SNX14: variants seen among roughly 807,000 people sequenced by gnomAD.
SNX14 encodes the protein sorting nexin 14.
A neutral mutation model predicts 133.8 loss-of-function variants in SNX14; 93 were observed. That is an observed-to-expected ratio of 0.70 (90% confidence interval 0.59 to 0.83). The LOEUF (loss-of-function observed/expected upper bound fraction) is 0.83. Among genes scored for constraint, SNX14 ranks in the 40% least tolerant of loss-of-function variants. The pLI is 0.00. For synonymous variants in SNX14, 368 were observed against 365.6 expected, an observed-to-expected ratio of 1.01 and a Z score of -0.07; for missense variants, 945 against 1,094.9, an observed-to-expected ratio of 0.86 and a Z score of 1.93.
intron 1 of SNX14, among the ~76,000 whole-genome samples, chr6:85,587,758 C>T (rs745441375): frequency 2.6e-5 from 4 of 151,526 alleles, no homozygotes; most frequent in South Asian, 2.1e-4. Context: ...CACCAAACCC[C>T]GCCTTAAATA....
At chr6:85,593,517 C>G in intron 1 of SNX14, 62 bp downstream of exon 1, 1 of 1,541,820 alleles carries the variant, frequency 6.5e-7, no homozygotes. Flanking sequence ...TTAAGCAGCA[C>G]GGGCCGGGCG....
chr6:85,541,956 C>A (rs778241594), intron 15 of SNX14, 29 bp downstream of exon 15: 2 of 1,559,112 alleles, frequency 1.3e-6, no homozygotes, highest in Admixed American at 3.9e-5. Context: ...CTGGCATCAG[C>A]AAGTTCAAAA....
At chr6:85,564,640 T>G (rs1025709396) in intron 6 of SNX14, among the ~76,000 whole-genome samples, 1 of 152,176 alleles carries the variant, frequency 6.6e-6, no homozygotes, top group Non-Finnish European at 1.5e-5. Flanking sequence ...TTCACTAATT[T>G]TTTAACCTAA....
rs1054271927 is a variant in SNX14 at position 85,546,893 on chromosome 6, G to A, written c.1108+219C>T. Among the ~76,000 whole-genome samples, 41 of 151,206 alleles carry A rather than the reference G, an allele frequency of 2.7e-4. 1 individual carries two copies. Among genetic ancestry groups the A allele is most frequent in the Admixed American group, 2.0e-3 (30 of 15,158 alleles). On this transcript the variant is annotated intron_variant, in intron 12 of 28. Transcript: ENST00000314673. ...GGAGAATCGCTTGAACCCAGGAGGC[G>A]GAGGTTGCAGTGAGCCAAGATCACA...
At chr6:85,549,268 A>T (rs147208565) in intron 8 of SNX14, among the ~76,000 whole-genome samples, 1 of 152,224 alleles carries the variant, frequency 6.6e-6, no homozygotes, top group East Asian at 1.9e-4. Context: ...TTATGGAATA[A>T]TCTAAACATG....
chr6:85,513,065 T>C (rs1773522623), intron 26 of SNX14, among the ~76,000 whole-genome samples: 2 of 152,204 alleles, frequency 1.3e-5, no homozygotes, highest in South Asian at 4.1e-4. Flanking sequence ...CCACCTTTTC[T>C]CCAACTTTTG....
chr6:85,548,479 CTA>C, intron 8 of SNX14, 103 bp from the exon 9 acceptor site: 1 of 872,918 alleles, frequency 1.1e-6, no homozygotes, highest in Admixed American at 3.0e-5. Flanking sequence ...AAAATGGAGA[CTA>C]TAATTCAGTA....
At chr6:85,591,309 T>A (rs1326578603) in intron 1 of SNX14, among the ~76,000 whole-genome samples, 1 of 152,030 alleles carries the variant, frequency 6.6e-6, no homozygotes, top group African/African-American at 2.4e-5. Context: ...ACATACACCA[T>A]CTGGCACCTT....
rs1795901647 is a variant in SNX14 at position 85,572,341 on chromosome 6, G to A, written c.295C>T (p.His99Tyr). The A allele has an allele frequency of 1.2e-6, 2 of 1,613,210 alleles. No individual in the cohort carries two copies. Among genetic ancestry groups the A allele is most frequent in the Middle Eastern group, 1.7e-4 (1 of 6,054 alleles). Reference protein sequence around the residue: ...LGLQELFPQGHSCAVCGKVKC... With the variant: ...LGLQELFPQGYSCAVCGKVKC... ...ACTTTACCACAAACAGCACAGCTAT[G>A]ACCTTGAGGAAATAATTCCTGAAGT... The change falls in exon 3 of 29, where the codon CAT (histidine) becomes TAT (tyrosine). Residue 99 changes from histidine (H) to tyrosine (Y), a missense_variant. Transcript: ENST00000314673.
At chr6:85,584,537 TAAAC>T (rs1398241838) in intron 1 of SNX14, among the ~76,000 whole-genome samples, 1 of 151,780 alleles carries the variant, frequency 6.6e-6, no homozygotes, top group Non-Finnish European at 1.5e-5. Context: ...ACAAGGAAGT[TAAAC>T]AAATTTACAA....
chr6:85,545,462 ACT>A (rs956941766), intron 12 of SNX14, among the ~76,000 whole-genome samples: 18 of 152,184 alleles, frequency 1.2e-4, no homozygotes, highest in African/African-American at 4.1e-4. Context: ...ACAAATGAAC[ACT>A]CAAATATAAA....
chr6:85,509,369 A>C (rs1414596768), intron 26 of SNX14, among the ~76,000 whole-genome samples: 1 of 152,208 alleles, frequency 6.6e-6, no homozygotes, highest in Non-Finnish European at 1.5e-5. Context: ...TGCCTACAGA[A>C]AATTTACTCA....
chr6:85,532,268 C>A (rs1780538630), intron 18 of SNX14, among the ~76,000 whole-genome samples: 4 of 152,168 alleles, frequency 2.6e-5, no homozygotes, highest in Non-Finnish European at 5.9e-5. Context: ...GTCCACCTGT[C>A]AGAATGCTGA....
intron 4 of SNX14, among the ~76,000 whole-genome samples, chr6:85,569,213 C>T (rs183857323): frequency 6.6e-5 from 10 of 152,286 alleles, no homozygotes; most frequent in East Asian, 1.9e-4. Flanking sequence ...CCGCCCACCT[C>T]GGCCTCCCAA....
At chr6:85,580,759 G>A (rs1360156125) in intron 1 of SNX14, among the ~76,000 whole-genome samples, 4 of 152,136 alleles carry the variant, frequency 2.6e-5, no homozygotes, top group African/African-American at 9.7e-5. Flanking sequence ...CACGGAGAGA[G>A]GCTCTTTTGC....
In SNX14 at chr6:85,538,828, C is replaced by T; in HGVS notation, c.1475+10G>A. ...TTAATACTGAAAAGAATCACATGCT[C>T]AAGACTTACCGAAAATCATCCAAAC... On this transcript the variant is annotated intron_variant, in intron 16 of 28. Coordinates refer to ENST00000314673, the MANE Select transcript of SNX14 (RefSeq NM_153816.6). The T allele has an allele frequency of 6.3e-7, 1 of 1,594,238 alleles. No individual in the cohort carries two copies. The highest frequency in any genetic ancestry group is 8.5e-7 in the Non-Finnish European group (1 of 1,171,658).
chr6:85,583,642 T>C (rs1210140909), intron 1 of SNX14, among the ~76,000 whole-genome samples: 1 of 152,204 alleles, frequency 6.6e-6, no homozygotes, highest in African/African-American at 2.4e-5. Context: ...GAACTCCCAT[T>C]CACAACTGCT....
intron 1 of SNX14, among the ~76,000 whole-genome samples, chr6:85,585,990 G>GAAA (rs536086390): frequency 8.0e-5 from 6 of 75,090 alleles, no homozygotes; most frequent in Non-Finnish European, 1.8e-4. Flanking sequence ...CCCGCAACAG[G>GAAA]AAAAAAAAAA....
Position 85,505,741 on chromosome 6 carries a change from CTT to C in SNX14, c.*224_*225del. 1 of 506,372 alleles carries C rather than the reference CTT, an allele frequency of 2.0e-6. No individual in the cohort carries two copies. Among genetic ancestry groups the C allele is most frequent in the Non-Finnish European group, 3.4e-6 (1 of 290,598 alleles). The allele number at this position is 506,372 out of a possible 1,614,324, so 31.4% of individuals were successfully genotyped here. A position where few individuals can be genotyped will look rare whatever the true frequency, so the allele number is the denominator to read the frequency against. On this transcript the variant is annotated 3_prime_UTR_variant, in exon 29 of 29. Coordinates refer to ENST00000314673, the MANE Select transcript of SNX14 (RefSeq NM_153816.6). Reference sequence around the variant, plus strand: ...TTTTAAAAATGGCAATAACAAGTGACTTATGTTCTAATAAAATTTGGATCACA... The same window carrying C: ...TTTTAAAAATGGCAATAACAAGTGACATGTTCTAATAAAATTTGGATCACA...
Sources: allele counts gnomAD v4.1 joint callset (sites outside exome capture counted in the v4.1 genomes callset), GRCh38; gene constraint gnomAD v4.1.1; transcripts MANE v1.5; gene names NCBI Gene and HGNC (gene_info 2026-07-23, HGNC 2026-07-21).